Variants in PKD1L1 observed in about 807,000 individuals in gnomAD.
The protein encoded by PKD1L1 is polycystin-1-like protein 1.
In PKD1L1, 236 loss-of-function variants were observed where a neutral mutation model predicts 323.4. The ratio of observed to expected loss-of-function variants is 0.73; its 90% CI spans 0.66 to 0.81. PKD1L1 has a LOEUF of 0.81. Ranked by LOEUF, PKD1L1 falls within the 40% of genes least tolerant of loss-of-function variation. The pLI, the probability that PKD1L1 is intolerant of heterozygous loss-of-function variation, is 0.00. For synonymous variants in PKD1L1, 1,344 were observed against 1,335.0 expected (o/e 1.01, Z -0.15); for missense variants, 3,320 against 3,508.0 (o/e 0.95, Z 1.35).
At chr7:47,880,282 A>ATTTTT (rs1309864473) in intron 21 of PKD1L1, among the ~76,000 whole-genome samples, 18 of 69,710 alleles carry the variant, frequency 2.6e-4, no homozygotes, top group African/African-American at 1.0e-3. Context: ...ATATATATAT[A>ATTTTT]TATTTTTTTT....
At chr7:47,940,426 G>A in intron 2 of PKD1L1, 109 bp from the exon 3 acceptor site, 2 of 1,110,014 alleles carry the variant, frequency 1.8e-6, no homozygotes, top group African/African-American at 1.6e-5. Flanking sequence ...AGCCACCTGG[G>A]CCTAACAACG....
intron 24 of PKD1L1, among the ~76,000 whole-genome samples, chr7:47,870,192 C>T (rs1416393405): frequency 6.9e-6 from 1 of 144,654 alleles, no homozygotes; most frequent in African/African-American, 2.6e-5. Flanking sequence ...CAAAAAAAAA[C>T]AAGAGCAAAG....
At chr7:47,778,796 C>A (rs898940630) in intron 56 of PKD1L1, among the ~76,000 whole-genome samples, 1 of 152,212 alleles carries the variant, frequency 6.6e-6, no homozygotes, top group Non-Finnish European at 1.5e-5. Flanking sequence ...ACCCAGCATG[C>A]TGAGGAACAG....
chr7:47,949,740 A>C (rs1583700010), upstream of PKD1L1, among the ~76,000 whole-genome samples: 1 of 152,202 alleles, frequency 6.6e-6, no homozygotes. Flanking sequence ...TACCAAGAAG[A>C]GTGGGAACGT....
chr7:47,827,482 G>C lies in PKD1L1; in HGVS notation c.6736-14C>G, dbSNP rs772519707. Reference sequence around the variant, plus strand: ...GGCAGCCAAGACCTGTCAGGGACAAGAGTGCTGTGAGCTGCGGGCTGGTGG... The same window carrying C: ...GGCAGCCAAGACCTGTCAGGGACAACAGTGCTGTGAGCTGCGGGCTGGTGG... On this transcript the variant is annotated splice_polypyrimidine_tract_variant and intron_variant, in intron 44 of 56. Transcript: ENST00000289672. 1.3e-6 allele frequency: 2 copies of C among 1,598,020 alleles called. No individual in the cohort carries two copies. The highest frequency in any genetic ancestry group is 2.2e-5 in the South Asian group (2 of 89,552).
At chr7:47,954,272 A>G in the PKD1L1 span, among the ~76,000 whole-genome samples, 69,850 of 151,968 alleles carry the variant, frequency 0.46, 16,787 homozygotes, top group East Asian at 0.54. Flanking sequence ...AAAAAAGCCA[A>G]TTTTTGCTTG....
At chr7:47,903,203 T>A (rs1406123648) in intron 12 of PKD1L1, among the ~76,000 whole-genome samples, 1 of 152,106 alleles carries the variant, frequency 6.6e-6, no homozygotes, top group Non-Finnish European at 1.5e-5. Context: ...AATATTCCCA[T>A]CAGAAGACCA....
intron 20 of PKD1L1, 52 bp downstream of exon 20, chr7:47,881,857 T>G: frequency 6.7e-7 from 1 of 1,501,696 alleles, no homozygotes; most frequent in Admixed American, 2.4e-5. Flanking sequence ...GGCTGATATC[T>G]AAAAGCTTCA....
intron 54 of PKD1L1, among the ~76,000 whole-genome samples, chr7:47,798,738 G>C (rs62448554): frequency 0.058 from 8,233 of 141,864 alleles, 365 homozygotes; most frequent in East Asian, 0.21. Context: ...CTGGGCGACA[G>C]AGTGAGACTC....
chr7:47,927,469 T>C (rs1259264393), intron 7 of PKD1L1, among the ~76,000 whole-genome samples: 1 of 152,166 alleles, frequency 6.6e-6, no homozygotes, highest in Non-Finnish European at 1.5e-5. Flanking sequence ...TTTCACTATG[T>C]TGGTCAGGCT....
At chr7:47,833,988 A>C (rs1404472827) in intron 40 of PKD1L1, among the ~76,000 whole-genome samples, 1 of 152,198 alleles carries the variant, frequency 6.6e-6, no homozygotes, top group Non-Finnish European at 1.5e-5. Context: ...GCTGCTCCAC[A>C]GTGTCTCTCC....
intron 7 of PKD1L1, among the ~76,000 whole-genome samples, chr7:47,919,718 A>C (rs1430707932): frequency 6.6e-6 from 1 of 152,182 alleles, no homozygotes; most frequent in Non-Finnish European, 1.5e-5. Flanking sequence ...TAACATACTC[A>C]AGTCAATAAA....
chr7:47,929,106 C>A (rs141107395), intron 7 of PKD1L1, 98 bp downstream of exon 7: 2 of 1,272,210 alleles, frequency 1.6e-6, no homozygotes, highest in African/African-American at 3.0e-5. Flanking sequence ...TCCAGAGAAA[C>A]GGAATGCAGT....
At chr7:47,891,606 G>A (rs752601345) in intron 15 of PKD1L1, among the ~76,000 whole-genome samples, 1 of 152,252 alleles carries the variant, frequency 6.6e-6, no homozygotes, top group African/African-American at 2.4e-5. Flanking sequence ...TCCAGAGCCT[G>A]CATAAAGAGG....
At chr7:47,890,399 T>C (rs770550325) in intron 16 of PKD1L1, 143 bp downstream of exon 16, 5 of 800,638 alleles carry the variant, frequency 6.2e-6, no homozygotes, top group Non-Finnish European at 1.0e-5. Flanking sequence ...TGAACAGTCT[T>C]CTCCTCCTCC....
chr7:47,803,113 C>T (rs1784700247), intron 53 of PKD1L1, 97 bp downstream of exon 53: 1 of 1,480,492 alleles, frequency 6.8e-7, no homozygotes, highest in African/African-American at 1.4e-5. Context: ...CGGTGTTTAA[C>T]CTTGAGAGCA....
intron 44 of PKD1L1, among the ~76,000 whole-genome samples, chr7:47,828,085 T>G (rs542758641): frequency 6.6e-6 from 1 of 152,206 alleles, no homozygotes; most frequent in East Asian, 1.9e-4. Context: ...GTGAACAATA[T>G]AAAGCTGCAC....
At position 47,908,168 on chromosome 7, in the gene PKD1L1, A is replaced by G. The variant is rs781709767; in HGVS notation, c.1311T>C (p.Ile437=). The change falls in exon 9 of 57, where the codon ATT becomes ATC. Residue 437 remains isoleucine (I), a synonymous_variant. Transcript: ENST00000289672. The part of the protein sequence containing the change: ...EVELGPYYVE[I]GHEAVSAFMN... ...TGAACGCAGACACGGCCTCATGGCC[A>G]ATCTCCACATAATAAGGCCCAAGCT... is the stretch of plus-strand genomic sequence containing the variant. 143 of 1,614,100 alleles carry G rather than the reference A, an allele frequency of 8.9e-5. 1 individual carries two copies. Among genetic ancestry groups the G allele is most frequent in the South Asian group, 4.8e-4 (44 of 91,086 alleles).
chr7:47,882,453 G>A (rs1289480879), intron 19 of PKD1L1, among the ~76,000 whole-genome samples: 1 of 152,034 alleles, frequency 6.6e-6, no homozygotes, highest in Non-Finnish European at 1.5e-5. Flanking sequence ...AAAAATAAAT[G>A]AGAAAACACA....
Sources: gnomAD v4.1 joint callset for allele counts (sites outside exome capture counted in the v4.1 genomes callset) on GRCh38, gnomAD v4.1.1 for gene constraint, MANE v1.5 for transcripts, NCBI Gene and HGNC (gene_info 2026-07-23, HGNC 2026-07-21) for gene names.